Variants in ZC3H6 observed in about 807,000 individuals in gnomAD.
The protein encoded by ZC3H6 is zinc finger CCCH-type containing 6, also known as zinc finger CCCH domain-containing protein 6.
In ZC3H6, 40 loss-of-function variants were observed where a neutral mutation model predicts 107.7. The ratio of observed to expected loss-of-function variants is 0.37; its 90% CI spans 0.29 to 0.48. ZC3H6 has a LOEUF of 0.48. ZC3H6 is among the 20% of genes least tolerant of loss of function. The pLI, the probability that ZC3H6 is intolerant of heterozygous loss-of-function variation, is 0.98. For missense variants in ZC3H6, 1,267 were observed against 1,410.4 expected (o/e 0.90, Z 1.63); for synonymous variants, 493 against 487.9 (o/e 1.01, Z -0.14).
intron 1 of ZC3H6, among the ~76,000 whole-genome samples, chr2:112,281,251 C>T (rs1402681309): frequency 6.6e-6 from 1 of 151,828 alleles, no homozygotes; most frequent in Non-Finnish European, 1.5e-5. Flanking sequence ...CAATTCAGAC[C>T]CAAGACATTT....
intron 1 of ZC3H6, among the ~76,000 whole-genome samples, chr2:112,283,681 A>G (rs1382040366): frequency 6.6e-6 from 1 of 152,222 alleles, no homozygotes. Context: ...GGAAGGGCAA[A>G]TAACTTGTCT....
intron 5 of ZC3H6, among the ~76,000 whole-genome samples, chr2:112,313,456 A>C (rs567844081): frequency 8.5e-5 from 13 of 152,258 alleles, no homozygotes; most frequent in Non-Finnish European, 1.9e-4. Flanking sequence ...GGAAAGTGTG[A>C]CTTTGAGCAA....
At chr2:112,283,982 T>G (rs1686567274) in intron 1 of ZC3H6, among the ~76,000 whole-genome samples, 1 of 152,254 alleles carries the variant, frequency 6.6e-6, no homozygotes, top group African/African-American at 2.4e-5. Flanking sequence ...TCTGGCTAAC[T>G]TAGATCTGGA....
chr2:112,304,538 G>GTTTC (rs1676440451), intron 3 of ZC3H6, among the ~76,000 whole-genome samples: 1 of 152,132 alleles, frequency 6.6e-6, no homozygotes, highest in Admixed American at 6.6e-5. Flanking sequence ...AACCCCTGGT[G>GTTTC]TTTCTCTGTG....
At chr2:112,284,773 C>G (rs1315148077) in intron 1 of ZC3H6, among the ~76,000 whole-genome samples, 1 of 152,002 alleles carries the variant, frequency 6.6e-6, no homozygotes, top group Non-Finnish European at 1.5e-5. Context: ...TTATGTTGTA[C>G]AGAACTTTTG....
chr2:112,332,206 A>G lies in ZC3H6; in HGVS notation c.3288A>G (p.Pro1096=), dbSNP rs756017750. The G allele has an allele frequency of 2.5e-6, 4 of 1,614,000 alleles. No homozygotes were observed. The highest frequency in any genetic ancestry group is 3.3e-5 in the Admixed American group (2 of 60,022). Residue 1096 remains proline (P), a synonymous_variant, in exon 12 of 12, where the codon CCA becomes CCG. Coordinates refer to ENST00000409871, the MANE Select transcript of ZC3H6 (RefSeq NM_198581.3). ...TEPSPGEAIL[P]QKPSPNVGVT... ...CTTCTCCTGGAGAAGCCATCCTTCC[A>G]CAAAAACCCAGTCCAAACGTGGGAG...
chr2:112,319,374 G>A lies in ZC3H6; in HGVS notation c.976+2042G>A, dbSNP rs565359075. Among the ~76,000 whole-genome samples, 69 of 152,176 alleles carry A rather than the reference G, an allele frequency of 4.5e-4. 1 individual carries two copies. Among genetic ancestry groups the A allele is most frequent in the Non-Finnish European group, 9.3e-4 (63 of 67,992 alleles). ...TTTAAAGAGGAAAGGGGCCAGGCAC[G>A]GTGGCTCATGCCTGTAATCCCACCA... On this transcript the variant is annotated intron_variant, in intron 7 of 11. Coordinates refer to ENST00000409871, the MANE Select transcript of ZC3H6 (RefSeq NM_198581.3).
Position 112,339,981 on chromosome 2 carries a change from T to C in ZC3H6, c.*7493T>C, listed in dbSNP as rs1677213700. 6.6e-6 allele frequency: 1 copy of C among 152,234 alleles called. No homozygotes were observed. The highest frequency in any genetic ancestry group is 2.1e-4 in the South Asian group (1 of 4,838). The allele number at this position is 152,234 out of a possible 1,614,324, so 9.4% of individuals were successfully genotyped here. A position where few individuals can be genotyped will look rare whatever the true frequency, so the allele number is the denominator to read the frequency against. On this transcript the variant is annotated 3_prime_UTR_variant, in exon 12 of 12. Coordinates refer to ENST00000409871, the MANE Select transcript of ZC3H6 (RefSeq NM_198581.3). The stretch of plus-strand genomic sequence containing the variant: ...TTACTAATAAATTTTCCAAGTTGCA[T>C]ACTGTTGTTGCAAGTTTCTGTAATT...
chr2:112,306,155 A>G lies in ZC3H6; in HGVS notation c.336+2804A>G, dbSNP rs116438180. Among the ~76,000 whole-genome samples the G allele has an allele frequency of 6.6e-5, 10 of 150,544 alleles. No individual in the cohort carries two copies. In the East Asian group the frequency reaches 7.8e-4, roughly 12 times the overall value. On this transcript the variant is annotated intron_variant, in intron 3 of 11. Transcript: ENST00000409871. Reference sequence around the variant, plus strand: ...TAGCAGACTTCAGATACAAATTTCTATATCTGAAGTCTGTATTTCTTTTTT... The same window carrying G: ...TAGCAGACTTCAGATACAAATTTCTGTATCTGAAGTCTGTATTTCTTTTTT...
chr2:112,328,038 C>T (rs6542053), intron 11 of ZC3H6, among the ~76,000 whole-genome samples: 77,547 of 152,004 alleles, frequency 0.51, 21,976 homozygotes, highest in East Asian at 0.77. Context: ...TACAGATGTG[C>T]GCCACCATGC....
chr2:112,316,271 C>CTT lies in ZC3H6; in HGVS notation c.748-192_748-191dup, dbSNP rs11458623. Among the ~76,000 whole-genome samples the CTT allele has an allele frequency of 3.0e-4, 45 of 151,684 alleles. 1 individual carries two copies. Among genetic ancestry groups the CTT allele is most frequent in the South Asian group, 2.7e-3 (13 of 4,814 alleles). ...CTTCATTAAAATAGAAAGAAATAGG[C>CTT]TTTTTTTTGCGATCACTAGTAGCAT... On this transcript the variant is annotated intron_variant, in intron 5 of 11. Transcript: ENST00000409871.
intron 1 of ZC3H6, among the ~76,000 whole-genome samples, chr2:112,291,020 G>A (rs1260243398): frequency 2.0e-5 from 3 of 152,200 alleles, no homozygotes; most frequent in African/African-American, 4.8e-5. Context: ...CTTTTCTTGA[G>A]CAACTGGTCT....
At chr2:112,287,882 G>A (rs570347849) in intron 1 of ZC3H6, among the ~76,000 whole-genome samples, 205 of 152,376 alleles carry the variant, frequency 1.3e-3, no homozygotes, top group African/African-American at 4.7e-3. Flanking sequence ...GATTACAGGC[G>A]TGAGCCACCG....
chr2:112,334,678 A>G lies in ZC3H6; in HGVS notation c.*2190A>G, dbSNP rs1677106483. 1 of 152,586 alleles carries G rather than the reference A, an allele frequency of 6.6e-6. No individual in the cohort carries two copies. The highest frequency in any genetic ancestry group is 6.5e-5 in the Admixed American group (1 of 15,276). 9.5% of individuals were successfully genotyped at this position (152,586 alleles called of 1,614,324 possible). A position where few individuals can be genotyped will look rare whatever the true frequency, so the allele number is the denominator to read the frequency against. On this transcript the variant is annotated 3_prime_UTR_variant, in exon 12 of 12. Coordinates refer to ENST00000409871, the MANE Select transcript of ZC3H6 (RefSeq NM_198581.3). ...TATGAAAATGTTTATGTTTAAAATAACTTATTTATTATGCAGCATTTTTAT... is the reference window on the plus strand; with the variant it reads ...TATGAAAATGTTTATGTTTAAAATAGCTTATTTATTATGCAGCATTTTTAT...
At chr2:112,298,452 C>G (rs189415576) in intron 1 of ZC3H6, among the ~76,000 whole-genome samples, 1 of 152,218 alleles carries the variant, frequency 6.6e-6, no homozygotes, top group African/African-American at 2.4e-5. Flanking sequence ...TCTGCTGATT[C>G]ACTGCTAAAG....
Position 112,330,102 on chromosome 2 carries a change from G to C in ZC3H6, c.2087-903G>C, listed in dbSNP as rs191181421. On this transcript the variant is annotated intron_variant, in intron 11 of 11. Transcript: ENST00000409871. The stretch of plus-strand genomic sequence containing the variant: ...GAGTCTTGCTCTGTCGCCCAGGCTG[G>C]AGTGCAGTGGCTAGATCTCAGCTCA... 2.0e-5 allele frequency among the ~76,000 whole-genome samples: 3 copies of C among 151,536 alleles called. No individual in the cohort carries two copies. The East Asian group carries it at 5.8e-4, about 29-fold the overall frequency.
intron 11 of ZC3H6, among the ~76,000 whole-genome samples, chr2:112,330,568 T>G (rs1677007979): frequency 1.3e-5 from 2 of 152,166 alleles, no homozygotes; most frequent in South Asian, 4.1e-4. Context: ...AAGGAATGCT[T>G]GATTTGAAGA....
intron 3 of ZC3H6, among the ~76,000 whole-genome samples, chr2:112,308,063 T>C (rs1676510914): frequency 6.6e-6 from 1 of 152,226 alleles, no homozygotes; most frequent in Non-Finnish European, 1.5e-5. Flanking sequence ...GTTAATTTAA[T>C]CTTCAACTTA....
intron 11 of ZC3H6, among the ~76,000 whole-genome samples, chr2:112,330,464 G>T (rs912626546): frequency 1.3e-5 from 2 of 152,292 alleles, no homozygotes; most frequent in South Asian, 4.1e-4. Flanking sequence ...TTCCTCATTT[G>T]CTCAGTTTCC....
Sources: allele counts gnomAD v4.1 joint callset (sites outside exome capture counted in the v4.1 genomes callset), GRCh38; gene constraint gnomAD v4.1.1; transcripts MANE v1.5; gene names NCBI Gene and HGNC (gene_info 2026-07-23, HGNC 2026-07-21).